The following ZC3HAV1 variants were observed in gnomAD, a reference collection of about 807,000 sequenced individuals.
The protein encoded by ZC3HAV1 is zinc finger CCCH-type antiviral protein 1.
A neutral mutation model predicts 86.6 loss-of-function variants in ZC3HAV1; 41 were observed. The observed-to-expected ratio is 0.47, with a 90% CI of 0.37 to 0.61. ZC3HAV1 has a LOEUF of 0.61. ZC3HAV1 is among the 20% of genes least tolerant of loss of function. The probability of loss-of-function intolerance (pLI) is 0.00; values close to 1 mark genes in which losing one functional copy is unlikely to be tolerated. For synonymous variants in ZC3HAV1, 421 were observed against 432.1 expected (o/e 0.97, Z 0.32); for missense variants, 964 against 1,141.1 (o/e 0.84, Z 2.24).
intron 1 of ZC3HAV1, among the ~76,000 whole-genome samples, chr7:139,097,428 A>ATATTTTTTTTTTTTTTTT: frequency 8.3e-5 from 4 of 48,158 alleles, no homozygotes; most frequent in African/African-American, 2.3e-4. Flanking sequence ...ATATATATAT[A>ATATTTTTTTTTTTTTTTT]TTTTTTTTTT....
chr7:139,101,516 C>A, intron 1 of ZC3HAV1, among the ~76,000 whole-genome samples: 1 of 45,842 alleles, frequency 2.2e-5, no homozygotes, highest in South Asian at 7.7e-4. Flanking sequence ...GAGGTGTACC[C>A]AACAGCTCAT....
At chr7:139,089,101 CAAAAAAAAAAAAA>C (rs1195760878) in intron 2 of ZC3HAV1, among the ~76,000 whole-genome samples, 1 of 20,684 alleles carries the variant, frequency 4.8e-5, no homozygotes, top group Non-Finnish European at 9.2e-5. Flanking sequence ...GACTCCATCT[CAAAAAAAAAAAAA>C]AAAAAAAAAA....
At chr7:139,052,247 T>TTA (rs1816144523) in intron 12 of ZC3HAV1, among the ~76,000 whole-genome samples, 1 of 150,794 alleles carries the variant, frequency 6.6e-6, no homozygotes, top group Non-Finnish European at 1.5e-5. Context: ...TCACGTAGCA[T>TTA]TAGGTATATC....
At chr7:139,075,770 T>C (rs1394486208) in intron 6 of ZC3HAV1, among the ~76,000 whole-genome samples, 1 of 152,166 alleles carries the variant, frequency 6.6e-6, no homozygotes, top group Admixed American at 6.6e-5. Context: ...CCCTCTTAGA[T>C]GCCTTGCTAG....
At chr7:139,083,248 G>C (rs553374740) in intron 3 of ZC3HAV1, among the ~76,000 whole-genome samples, 985 of 72,842 alleles carry the variant, frequency 0.014, 5 homozygotes, top group Admixed American at 0.021. Context: ...TTAAACCTGG[G>C]GGGGGGGGCA....
chr7:139,049,423 G>GA (rs1230008574), intron 12 of ZC3HAV1: 5 of 151,972 alleles, frequency 3.3e-5, no homozygotes, highest in Admixed American at 6.6e-5. Context: ...GCCCATTTTT[G>GA]AAACTTTTAT....
chr7:139,077,844 G>A (rs899716206), intron 5 of ZC3HAV1, among the ~76,000 whole-genome samples: 2 of 152,158 alleles, frequency 1.3e-5, no homozygotes, highest in Non-Finnish European at 2.9e-5. Flanking sequence ...GACACTGCAG[G>A]GACACCCATA....
At position 139,076,308 on chromosome 7, in the gene ZC3HAV1, A is replaced by G; in HGVS notation, c.1675T>C (p.Tyr559His). The G allele has an allele frequency of 6.2e-7, 1 of 1,614,192 alleles. No individual in the cohort carries two copies. Among genetic ancestry groups the G allele is most frequent in the Non-Finnish European group, 8.5e-7 (1 of 1,180,030 alleles). The change falls in exon 6 of 13, where the codon TAC (tyrosine) becomes CAC (histidine). Residue 559 changes from tyrosine (Y) to histidine (H), a missense_variant. By Grantham distance (83) the Tyr-to-His change is moderately conservative (BLOSUM62 2). Transcript: ENST00000242351. ...FEHMETIEKG[Y>H]CNPGIHLCSV... ...TACAGGTGGATTCCGGGGTTACAGT[A>G]GCCTTTCTCGATCGTCTCCATGTGC...
chr7:139,106,702 GAAT>G lies in ZC3HAV1; in HGVS notation c.308+2319_308+2321del, dbSNP rs569623477. Among the ~76,000 whole-genome samples, 253 of 152,132 alleles carry G rather than the reference GAAT, an allele frequency of 1.7e-3. 1 individual carries two copies. Among genetic ancestry groups the G allele is most frequent in the African/African-American group, 6.0e-3 (249 of 41,520 alleles). Reference sequence around the variant, plus strand: ...ATTTATAAGACAATCAGGGAAATTTGAATACCAACTGGACAATAGATGATATTA... The same window carrying G: ...ATTTATAAGACAATCAGGGAAATTTGACCAACTGGACAATAGATGATATTA... On this transcript the variant is annotated intron_variant, in intron 1 of 12. Transcript: ENST00000242351.
At chr7:139,058,551 A>G (rs1432718687) in intron 9 of ZC3HAV1, among the ~76,000 whole-genome samples, 1 of 151,888 alleles carries the variant, frequency 6.6e-6, no homozygotes, top group Non-Finnish European at 1.5e-5. Flanking sequence ...AGGTTGTGCT[A>G]GAGACATTTA....
intron 1 of ZC3HAV1, among the ~76,000 whole-genome samples, chr7:139,101,078 C>T (rs1043149098): frequency 6.6e-6 from 1 of 152,192 alleles, no homozygotes; most frequent in Non-Finnish European, 1.5e-5. Flanking sequence ...CTCCTAACCG[C>T]GAGTGATCCG....
chr7:139,088,648 G>A (rs1021507187), intron 2 of ZC3HAV1, among the ~76,000 whole-genome samples: 12 of 152,172 alleles, frequency 7.9e-5, no homozygotes, highest in African/African-American at 2.7e-4. Context: ...TCCATATGCA[G>A]GAAAGACCAA....
chr7:139,060,459 C>CT, intron 9 of ZC3HAV1: 3 of 991,006 alleles, frequency 3.0e-6, no homozygotes, highest in Non-Finnish European at 3.6e-6. Flanking sequence ...AACCCTTGCT[C>CT]TAACAGCTAG....
chr7:139,056,029 C>G lies in ZC3HAV1; in HGVS notation c.2097-734G>C, dbSNP rs573000869. On this transcript the variant is annotated intron_variant, in intron 9 of 12. Coordinates refer to ENST00000242351, the MANE Select transcript of ZC3HAV1 (RefSeq NM_020119.4). The stretch of plus-strand genomic sequence containing the variant: ...CTCTTCATAAGATGGGACAGAACCA[C>G]TGGTACGAAGCCATCAATTGTATAG... 2.6e-5 allele frequency among the ~76,000 whole-genome samples: 4 copies of G among 152,314 alleles called. No homozygotes were observed. The East Asian group carries it at 7.7e-4, about 29-fold the overall frequency.
At chr7:139,105,820 G>C (rs1421167993) in intron 1 of ZC3HAV1, among the ~76,000 whole-genome samples, 1 of 152,032 alleles carries the variant, frequency 6.6e-6, no homozygotes, top group Non-Finnish European at 1.5e-5. Flanking sequence ...CAAGTGGCAA[G>C]TTTTGGAAGA....
chr7:139,091,878 A>G lies in ZC3HAV1; in HGVS notation c.309-2119T>C, dbSNP rs74475950. Among the ~76,000 whole-genome samples, 1,194 of 152,262 alleles carry G rather than the reference A, an allele frequency of 7.8e-3. 11 individuals are homozygous for G. Among genetic ancestry groups the G allele is most frequent in the African/African-American group, 0.028 (1,145 of 41,540 alleles). On this transcript the variant is annotated intron_variant, in intron 1 of 12. Transcript: ENST00000242351. The stretch of plus-strand genomic sequence containing the variant: ...CTGATATATTTAGCTGTTGTACTTG[A>G]GCGAGTTAGAGAAAACGCCACACTT...
At chr7:139,099,518 C>T (rs907895313) in intron 1 of ZC3HAV1, among the ~76,000 whole-genome samples, 4 of 152,134 alleles carry the variant, frequency 2.6e-5, no homozygotes, top group African/African-American at 7.2e-5. Flanking sequence ...GGTTAGAGAT[C>T]GCCAGGGGCT....
At chr7:139,070,382 A>T (rs1196385139) in intron 7 of ZC3HAV1, among the ~76,000 whole-genome samples, 1 of 152,150 alleles carries the variant, frequency 6.6e-6, no homozygotes, top group Non-Finnish European at 1.5e-5. Context: ...AAACCTCAGG[A>T]GGCCGGGCGC....
chr7:139,053,903 G>A (rs1178497316), intron 11 of ZC3HAV1, 62 bp downstream of exon 11: 5 of 1,549,234 alleles, frequency 3.2e-6, no homozygotes, highest in Non-Finnish European at 4.3e-6. Flanking sequence ...AATCTCAAAG[G>A]ACGGATATTA....
Sources: allele counts gnomAD v4.1 joint callset (sites outside exome capture counted in the v4.1 genomes callset), GRCh38; gene constraint gnomAD v4.1.1; transcripts MANE v1.5; gene names NCBI Gene and HGNC (gene_info 2026-07-23, HGNC 2026-07-21).